DOCK7: variants seen among roughly 807,000 people sequenced by gnomAD.
The protein encoded by DOCK7 is dedicator of cytokinesis protein 7.
DOCK7 carries 138 observed loss-of-function variants against 271.0 expected under a neutral mutation model. That is an observed-to-expected ratio of 0.51 (90% CI 0.44 to 0.59). The LOEUF is 0.59. DOCK7 is among the 20% of genes least tolerant of loss of function. The pLI is 0.00. For missense variants in DOCK7, 2,066 were observed against 2,592.4 expected, an observed-to-expected ratio of 0.80 and a Z score of 4.41; for synonymous variants, 823 against 876.1, an observed-to-expected ratio of 0.94 and a Z score of 1.07.
intron 14 of DOCK7, chr1:62,606,062 T>C (rs1164801922): frequency 6.6e-6 from 1 of 152,068 alleles, no homozygotes; most frequent in Non-Finnish European, 1.5e-5. Context: ...TATTTTTATA[T>C]GTCACATATA....
chr1:62,477,657 T>C (rs746612009), intron 44 of DOCK7, 43 bp downstream of exon 44: 5 of 1,533,490 alleles, frequency 3.3e-6, no homozygotes, highest in Admixed American at 2.1e-5. Flanking sequence ...TCAGAGAGAA[T>C]ACAAACTAAA....
At chr1:62,592,170 C>T (rs781142737) in intron 14 of DOCK7, among the ~76,000 whole-genome samples, 25 of 152,072 alleles carry the variant, frequency 1.6e-4, no homozygotes, top group Non-Finnish European at 3.2e-4. Flanking sequence ...CTACTAACTC[C>T]ATTAATAAAT....
chr1:62,475,171 C>T (rs200661774), intron 47 of DOCK7, 37 bp downstream of exon 47: 10 of 1,563,430 alleles, frequency 6.4e-6, no homozygotes, highest in African/African-American at 1.4e-5. Context: ...ATCGTATTTA[C>T]AGCTTAAATC....
intron 11 of DOCK7, among the ~76,000 whole-genome samples, chr1:62,626,170 T>C (rs1653928468): frequency 6.6e-6 from 1 of 151,682 alleles, no homozygotes; most frequent in Non-Finnish European, 1.5e-5. Flanking sequence ...TAATAGAAAT[T>C]AGGAAGTATT....
chr1:62,590,018 TACAGAAG>T (rs1186949372), intron 14 of DOCK7, among the ~76,000 whole-genome samples: 2 of 151,328 alleles, frequency 1.3e-5, no homozygotes, highest in Admixed American at 6.6e-5. Flanking sequence ...AGGGCACCCA[TACAGAAG>T]ACAGAAAACC....
chr1:62,506,259 G>A (rs1018815350), intron 35 of DOCK7, among the ~76,000 whole-genome samples: 2 of 151,838 alleles, frequency 1.3e-5, no homozygotes, highest in Admixed American at 6.6e-5. Context: ...CTTTGAATCC[G>A]GCTACAGAGA....
At chr1:62,490,950 C>T (rs762199872) in intron 41 of DOCK7, among the ~76,000 whole-genome samples, 15 of 152,086 alleles carry the variant, frequency 9.9e-5, no homozygotes, top group Non-Finnish European at 2.1e-4. Context: ...TCACAATTGC[C>T]AATAATGATG....
intron 33 of DOCK7, 109 bp downstream of exon 33, chr1:62,513,335 A>G (rs1390246345): frequency 2.9e-6 from 3 of 1,032,014 alleles, no homozygotes; most frequent in Non-Finnish European, 3.8e-6. Context: ...ATTCAAGTTA[A>G]TTCACAGTTA....
intron 18 of DOCK7, among the ~76,000 whole-genome samples, chr1:62,565,369 A>G (rs1039472715): frequency 7.2e-5 from 11 of 152,206 alleles, no homozygotes; most frequent in African/African-American, 2.4e-4. Flanking sequence ...ACCACGATCA[A>G]GTCAGCTTCA....
At chr1:62,538,587 T>C (rs1053532924) in intron 27 of DOCK7, among the ~76,000 whole-genome samples, 12 of 152,182 alleles carry the variant, frequency 7.9e-5, no homozygotes, top group Admixed American at 2.0e-4. Flanking sequence ...CTGGTAGCAA[T>C]AGTACATAAA....
intron 14 of DOCK7, 117 bp downstream of exon 14, chr1:62,618,589 G>A: frequency 1.2e-6 from 1 of 869,540 alleles, no homozygotes; most frequent in East Asian, 2.7e-5. Flanking sequence ...TGCGGTAAGA[G>A]ATAGAGTTAA....
intron 22 of DOCK7, among the ~76,000 whole-genome samples, chr1:62,546,412 A>C (rs759132273): frequency 1.9e-4 from 29 of 152,090 alleles, no homozygotes; most frequent in Non-Finnish European, 3.1e-4. Context: ...ATAATCACCC[A>C]TTTCTAATCA....
Position 62,525,704 on chromosome 1 carries a change from A to C in DOCK7, c.3936+2447T>G, listed in dbSNP as rs565079194. Among the ~76,000 whole-genome samples, 14 of 152,304 alleles carry C rather than the reference A, an allele frequency of 9.2e-5. No individual in the cohort carries two copies. The South Asian group carries it at 2.7e-3, about 29-fold the overall frequency. On this transcript the variant is annotated intron_variant, in intron 31 of 49. Coordinates refer to ENST00000635253, the MANE Select transcript of DOCK7 (RefSeq NM_001367561.1). Reference sequence around the variant, plus strand: ...ATGCTGCTGTTTATTTTATTATTACATTTTGTACATGCACTTTATTGTATT... The same window carrying C: ...ATGCTGCTGTTTATTTTATTATTACCTTTTGTACATGCACTTTATTGTATT...
chr1:62,604,109 T>C (rs771311900), intron 14 of DOCK7: 6 of 1,613,464 alleles, frequency 3.7e-6, no homozygotes, highest in Admixed American at 1.7e-5. Context: ...CGAAACCAAC[T>C]ATACGCTACA....
intron 22 of DOCK7, among the ~76,000 whole-genome samples, chr1:62,547,045 G>C: frequency 6.6e-6 from 1 of 152,002 alleles, no homozygotes; most frequent in East Asian, 1.9e-4. Context: ...GAACTTTGCT[G>C]TACTCTTAAA....
intron 7 of DOCK7, among the ~76,000 whole-genome samples, chr1:62,641,855 C>T (rs995000): frequency 0.33 from 50,834 of 152,042 alleles, 8,665 homozygotes; most frequent in South Asian, 0.42. Context: ...TTTTGTAAGA[C>T]GTTAATATTG....
Position 62,586,509 on chromosome 1 carries a change from G to T in DOCK7, c.1798C>A (p.Pro600Thr). Residue 600 changes from proline (P) to threonine (T), a missense_variant and splice_region_variant, in exon 15 of 50, where the codon CCG becomes ACG. Physicochemically the swap from Pro to Thr is conservative, Grantham distance 38. Transcript: ENST00000635253. ...MYGEDPSNAM[P>T]VIFGKSSCSE... The stretch of plus-strand genomic sequence containing the variant: ...AAAAGTAAAAGAACATTTCTTACCG[G>T]CATGGCATTGCTTGGATCCTCTCCA... 6.3e-7 allele frequency: 1 copy of T among 1,585,804 alleles called. No individual in the cohort carries two copies. The highest frequency in any genetic ancestry group is 8.6e-7 in the Non-Finnish European group (1 of 1,160,764).
intron 12 of DOCK7, among the ~76,000 whole-genome samples, chr1:62,624,639 T>G (rs1653706530): frequency 6.6e-6 from 1 of 152,164 alleles, no homozygotes; most frequent in Admixed American, 6.5e-5. Context: ...TAAAGAAAAT[T>G]CATAAACAAC....
intron 15 of DOCK7, chr1:62,584,162 T>C (rs1647240906): frequency 8.1e-6 from 8 of 983,986 alleles, no homozygotes; most frequent in Non-Finnish European, 9.7e-6. Flanking sequence ...CATCCTTAAT[T>C]AGAAGGGCAT....
Sources: gnomAD v4.1 joint callset for allele counts (sites outside exome capture counted in the v4.1 genomes callset) on GRCh38, gnomAD v4.1.1 for gene constraint, MANE v1.5 for transcripts, NCBI Gene and HGNC (gene_info 2026-07-23, HGNC 2026-07-21) for gene names.